BAZ1A: variants seen among roughly 807,000 people sequenced by gnomAD.
The protein encoded by BAZ1A is bromodomain adjacent to zinc finger domain protein 1A.
Under a neutral mutation model 185.2 loss-of-function variants are expected in BAZ1A, and 50 were observed. That is an observed-to-expected ratio of 0.27 (90% CI 0.22 to 0.34). The LOEUF (loss-of-function observed/expected upper bound fraction) is 0.34, where lower values mean the gene tolerates loss of function less well. Ranked by LOEUF, BAZ1A falls within the 10% of genes least tolerant of loss-of-function variation. The pLI, the probability that BAZ1A is intolerant of heterozygous loss-of-function variation, is 1.00. For missense variants in BAZ1A, 1,356 were observed against 1,839.9 expected, an observed-to-expected ratio of 0.74 and a Z score of 4.81; for synonymous variants, 571 against 615.6, an observed-to-expected ratio of 0.93 and a Z score of 1.07.
At chr14:34,865,779 T>C (rs2042848306) in intron 2 of BAZ1A, among the ~76,000 whole-genome samples, 1 of 152,160 alleles carries the variant, frequency 6.6e-6, no homozygotes, top group Non-Finnish European at 1.5e-5. Context: ...GTTATCCTTA[T>C]AAGCTAGAAG....
intron 2 of BAZ1A, among the ~76,000 whole-genome samples, chr14:34,872,887 T>A (rs1555346574): frequency 7.6e-6 from 1 of 130,944 alleles, no homozygotes; most frequent in Non-Finnish European, 1.5e-5. Context: ...TCGTAATTGT[T>A]AGCAAGGCCT....
chr14:34,790,474 T>C (rs1880774098), intron 12 of BAZ1A, among the ~76,000 whole-genome samples: 1 of 152,148 alleles, frequency 6.6e-6, no homozygotes. Context: ...GTGCCTTAGC[T>C]TCCCAAGTAG....
At chr14:34,812,415 C>T (rs186218261) in intron 4 of BAZ1A, among the ~76,000 whole-genome samples, 26 of 152,246 alleles carry the variant, frequency 1.7e-4, no homozygotes, top group Admixed American at 1.4e-3. Flanking sequence ...GATTATGAGA[C>T]TTTGGATATT....
chr14:34,780,229 A>C lies in BAZ1A; in HGVS notation c.2193T>G (p.Thr731=). The part of the protein sequence containing the change: ...EQKELDQDMV[T]EDEDDPGSHK... ...GTGATCCTGGGTCATCTTCATCTTC[A>C]GTGACCATATCTTGATCTAATTCCT... is the stretch of plus-strand genomic sequence containing the variant. The change falls in exon 17 of 27, where the codon ACT becomes ACG. Residue 731 remains threonine, a synonymous_variant. Coordinates refer to ENST00000360310, the MANE Select transcript of BAZ1A (RefSeq NM_013448.3). 1 of 1,613,694 alleles carries C rather than the reference A, an allele frequency of 6.2e-7. No individual in the cohort carries two copies. The highest frequency in any genetic ancestry group is 8.5e-7 in the Non-Finnish European group (1 of 1,179,812).
intron 2 of BAZ1A, among the ~76,000 whole-genome samples, chr14:34,866,103 ACCTG>A (rs1479129394): frequency 6.6e-6 from 1 of 152,136 alleles, no homozygotes; most frequent in Non-Finnish European, 1.5e-5. Context: ...TGGGAAGAGC[ACCTG>A]AACCCAGGAG....
chr14:34,768,101 C>T (rs79095678), intron 21 of BAZ1A, among the ~76,000 whole-genome samples: 9,662 of 152,106 alleles, frequency 0.064, 416 homozygotes, highest in Non-Finnish European at 0.099. Flanking sequence ...ATTACACAAC[C>T]GTAAAGGGCA....
At chr14:34,821,723 G>A (rs879784420) in intron 4 of BAZ1A, among the ~76,000 whole-genome samples, 25 of 152,204 alleles carry the variant, frequency 1.6e-4, no homozygotes, top group Non-Finnish European at 2.6e-4. Context: ...GGTGGCTCAC[G>A]CCTGTAATCC....
intron 4 of BAZ1A, among the ~76,000 whole-genome samples, chr14:34,812,241 CA>C (rs961889697): frequency 2.1e-5 from 3 of 142,930 alleles, no homozygotes; most frequent in Non-Finnish European, 3.1e-5. Flanking sequence ...GGGAGGGGAA[CA>C]AAAAAAAGGG....
intron 4 of BAZ1A, 23 bp downstream of exon 4, chr14:34,825,990 A>C (rs1438270318): frequency 2.7e-6 from 4 of 1,505,234 alleles, no homozygotes; most frequent in Non-Finnish European, 3.5e-6. Flanking sequence ...CAAATAATTT[A>C]AAAATTAATA....
chr14:34,790,803 A>G (rs1211540522), intron 12 of BAZ1A, among the ~76,000 whole-genome samples: 1 of 152,170 alleles, frequency 6.6e-6, no homozygotes, highest in Non-Finnish European at 1.5e-5. Context: ...GGGAATACTT[A>G]TTTAAAAAAC....
chr14:34,843,868 T>C (rs1019267987), intron 3 of BAZ1A, among the ~76,000 whole-genome samples: 1 of 152,162 alleles, frequency 6.6e-6, no homozygotes, highest in African/African-American at 2.4e-5. Context: ...CAGTATACTA[T>C]GGTCCATGGC....
intron 12 of BAZ1A, among the ~76,000 whole-genome samples, chr14:34,787,647 C>G (rs997067169): frequency 5.3e-5 from 8 of 152,168 alleles, no homozygotes; most frequent in African/African-American, 1.9e-4. Flanking sequence ...CACACCACTG[C>G]ACTCCAGCCT....
chr14:34,829,145 A>G (rs1594882463), intron 3 of BAZ1A, among the ~76,000 whole-genome samples: 1 of 152,128 alleles, frequency 6.6e-6, no homozygotes, highest in Admixed American at 6.6e-5. Flanking sequence ...ATGCACCTCT[A>G]ATCCCAGCTA....
intron 4 of BAZ1A, among the ~76,000 whole-genome samples, chr14:34,820,135 T>G (rs1203678268): frequency 1.4e-4 from 21 of 145,552 alleles, no homozygotes; most frequent in Non-Finnish European, 2.6e-4. Context: ...TTTTTTTTTT[T>G]TTTTTTTTTT....
At chr14:34,833,992 C>T (rs2042291324) in intron 3 of BAZ1A, among the ~76,000 whole-genome samples, 1 of 152,148 alleles carries the variant, frequency 6.6e-6, no homozygotes, top group South Asian at 2.1e-4. Context: ...TGCAGGCTGA[C>T]TTTCACCACT....
rs375506209 is a variant in BAZ1A, at chr14:34,792,812, T to C, written c.1473A>G (p.Glu491=). 11 of 1,614,032 alleles carry C rather than the reference T, an allele frequency of 6.8e-6. No individual in the cohort carries two copies. Among genetic ancestry groups the C allele is most frequent in the Non-Finnish European group, 9.3e-6 (11 of 1,179,990 alleles). Residue 491 remains glutamate, a synonymous_variant, in exon 12 of 27, where the codon GAA becomes GAG. Coordinates refer to ENST00000360310, the MANE Select transcript of BAZ1A (RefSeq NM_013448.3). ...IFQAIAEEEE[E]VAKEQLTDAD... Reference sequence around the variant, plus strand: ...CATCAGTTAGTTGCTCTTTGGCTACTTCCTCTTCTTCTTCAGCTATTGCCT... The same window carrying C: ...CATCAGTTAGTTGCTCTTTGGCTACCTCCTCTTCTTCTTCAGCTATTGCCT...
chr14:34,855,667 C>T (rs1373741357), intron 3 of BAZ1A, among the ~76,000 whole-genome samples: 1 of 152,092 alleles, frequency 6.6e-6, no homozygotes, highest in African/African-American at 2.4e-5. Flanking sequence ...CCAAGGCTAG[C>T]AGACTGCTTG....
chr14:34,874,731 G>C lies in BAZ1A; in HGVS notation c.-58-69C>G. 1.5e-6 allele frequency: 1 copy of C among 688,672 alleles called. No individual in the cohort carries two copies. Among genetic ancestry groups the C allele is most frequent in the Non-Finnish European group, 2.3e-6 (1 of 433,200 alleles). 42.7% of individuals were successfully genotyped at this position (688,672 alleles called of 1,614,324 possible). ...CCTCGGCGGCAGCGTGGGCCGGTCC[G>C]CGCGCTGGGAGAAGCTCGGCTGCCT... On this transcript the variant is annotated intron_variant, in intron 1 of 26. Coordinates refer to ENST00000360310, the MANE Select transcript of BAZ1A (RefSeq NM_013448.3). This position sits in a 1 kb window ranked among gnomAD's most constrained non-coding sequence, Gnocchi z 4.7.
intron 2 of BAZ1A, among the ~76,000 whole-genome samples, chr14:34,870,938 A>G (rs2042940166): frequency 6.6e-6 from 1 of 152,232 alleles, no homozygotes; most frequent in Admixed American, 6.5e-5. Flanking sequence ...TCTTCCAATG[A>G]AAAGCCAGTG....
Sources: gnomAD v4.1 joint callset for allele counts (sites outside exome capture counted in the v4.1 genomes callset) on GRCh38, gnomAD v4.1.1 for gene constraint, Gnocchi (gnomAD v3.1) non-coding constraint, MANE v1.5 for transcripts, NCBI Gene and HGNC (gene_info 2026-07-23, HGNC 2026-07-21) for gene names.